Variants in DRD3 observed in about 807,000 individuals in gnomAD.
DRD3 encodes the protein D(3) dopamine receptor.
Under a neutral mutation model 36.3 loss-of-function variants are expected in DRD3, and 19 were observed. The observed-to-expected ratio is 0.52, with a 90% confidence interval of 0.36 to 0.77. The LOEUF (loss-of-function observed/expected upper bound fraction) is 0.77, where lower values mean the gene tolerates loss of function less well. Ranked by LOEUF, DRD3 falls within the 30% of genes least tolerant of loss-of-function variation. The pLI is 0.00. For missense variants in DRD3, 465 were observed against 505.3 expected (o/e 0.92, Z 0.77); for synonymous variants, 195 against 203.7 (o/e 0.96, Z 0.36).
chr3:114,189,465 T>G (rs2077992369), intron 1 of DRD3, among the ~76,000 whole-genome samples: 1 of 152,208 alleles, frequency 6.6e-6, no homozygotes, highest in Non-Finnish European at 1.5e-5. Context: ...ATAAATAAAT[T>G]CTATGATCAT....
intron 4 of DRD3, among the ~76,000 whole-genome samples, chr3:114,144,648 G>C (rs2077555093): frequency 6.6e-6 from 1 of 152,156 alleles, no homozygotes; most frequent in Non-Finnish European, 1.5e-5. Context: ...CAGATGTATA[G>C]TTACATTTTG....
chr3:114,172,210 T>C (rs1043282238), intron 1 of DRD3, among the ~76,000 whole-genome samples, 183 bp from the exon 2 acceptor site: 1 of 152,204 alleles, frequency 6.6e-6, no homozygotes, highest in Non-Finnish European at 1.5e-5. Context: ...TTCCTTCCCT[T>C]TGAAGCTCCC....
chr3:114,139,412 A>G (rs1038857612), intron 5 of DRD3, 88 bp downstream of exon 5: 1 of 1,320,712 alleles, frequency 7.6e-7, no homozygotes, highest in Admixed American at 2.3e-5. Flanking sequence ...CAATTTAGCT[A>G]AACGGCAAAA....
At chr3:114,146,725 AAG>A (rs2077573046) in intron 4 of DRD3, among the ~76,000 whole-genome samples, 1 of 150,516 alleles carries the variant, frequency 6.6e-6, no homozygotes, top group Non-Finnish European at 1.5e-5. Flanking sequence ...GAAAAAGAAA[AAG>A]AAAAAAAATT....
intron 1 of DRD3, among the ~76,000 whole-genome samples, chr3:114,176,808 G>A (rs1056212599): frequency 6.6e-6 from 1 of 152,064 alleles, no homozygotes; most frequent in Non-Finnish European, 1.5e-5. Flanking sequence ...GCTGTAATTC[G>A]GACTTGCTAT....
At chr3:114,150,105 G>C (rs957209338) in intron 3 of DRD3, among the ~76,000 whole-genome samples, 1 of 152,172 alleles carries the variant, frequency 6.6e-6, no homozygotes, top group Non-Finnish European at 1.5e-5. Flanking sequence ...TATAAACCAA[G>C]CTCAGCCTTC....
At chr3:114,155,206 C>T (rs1210833053) in intron 3 of DRD3, among the ~76,000 whole-genome samples, 1 of 152,124 alleles carries the variant, frequency 6.6e-6, no homozygotes, top group Admixed American at 6.5e-5. Context: ...AATGAATTGA[C>T]CAGCTATTTG....
At chr3:114,148,157 G>A (rs1229047650) in intron 3 of DRD3, among the ~76,000 whole-genome samples, 2 of 152,172 alleles carry the variant, frequency 1.3e-5, no homozygotes, top group Non-Finnish European at 2.9e-5. Context: ...CTGGATTGCT[G>A]GAGAGCTTCT....
At chr3:114,185,098 G>A (rs756745667) in intron 1 of DRD3, among the ~76,000 whole-genome samples, 1 of 152,166 alleles carries the variant, frequency 6.6e-6, no homozygotes, top group African/African-American at 2.4e-5. Flanking sequence ...GAGTCTTGGT[G>A]TGGGTTCATC....
At chr3:114,137,749 T>C (rs1194559042) in intron 5 of DRD3, among the ~76,000 whole-genome samples, 1 of 151,080 alleles carries the variant, frequency 6.6e-6, no homozygotes, top group Admixed American at 6.6e-5. Context: ...CCCAGCACTT[T>C]GGGAGGCCGA....
intron 6 of DRD3, among the ~76,000 whole-genome samples, chr3:114,129,963 C>T (rs1313626666): frequency 6.6e-6 from 1 of 152,078 alleles, no homozygotes; most frequent in Non-Finnish European, 1.5e-5. Context: ...GAGGCTGAGG[C>T]AGGAGAATCA....
upstream of DRD3, among the ~76,000 whole-genome samples, chr3:114,180,246 T>C (rs562690491): frequency 1.3e-5 from 2 of 152,294 alleles, no homozygotes; most frequent in African/African-American, 4.8e-5. Context: ...GAAATCATTC[T>C]GTAAATTATA....
At chr3:114,193,053 G>T (rs2078019125) in intron 1 of DRD3, among the ~76,000 whole-genome samples, 1 of 152,132 alleles carries the variant, frequency 6.6e-6, no homozygotes, top group South Asian at 2.1e-4. Flanking sequence ...GCCGAGGCGG[G>T]TAGATCACGA....
At position 114,128,336 on chromosome 3, in the gene DRD3, G is replaced by C. The variant is rs1320231578; in HGVS notation, c.*380C>G. On this transcript the variant is annotated 3_prime_UTR_variant, in exon 7 of 7. Transcript: ENST00000383673. ...GGAAGACAGACTGGCTGTTCTAGAA[G>C]GTGGTTTACTGGCTGATTTCAAGGA... 1.3e-5 allele frequency among the ~76,000 whole-genome samples: 2 copies of C among 152,192 alleles called. No homozygotes were observed. Among genetic ancestry groups the C allele is most frequent in the East Asian group, 3.8e-4 (2 of 5,204 alleles).
At chr3:114,189,045 A>C (rs77049026) in intron 1 of DRD3, among the ~76,000 whole-genome samples, 67 of 152,334 alleles carry the variant, frequency 4.4e-4, no homozygotes, top group African/African-American at 1.6e-3. Context: ...TTGTACGTAT[A>C]TTTTACATAG....
intron 4 of DRD3, among the ~76,000 whole-genome samples, chr3:114,145,525 A>T (rs1367290339): frequency 1.3e-5 from 2 of 152,248 alleles, no homozygotes; most frequent in Non-Finnish European, 2.9e-5. Flanking sequence ...GTTACCCTTT[A>T]CTGTGGCAGA....
intron 4 of DRD3, among the ~76,000 whole-genome samples, chr3:114,145,742 C>T (rs949503120): frequency 6.6e-6 from 1 of 152,094 alleles, no homozygotes; most frequent in South Asian, 2.1e-4. Context: ...TAAAGATATA[C>T]ATGGTTTTAT....
At chr3:114,147,584 G>A (rs1435142312) in intron 3 of DRD3, 27 bp from the exon 4 acceptor site, 2 of 1,595,354 alleles carry the variant, frequency 1.3e-6, no homozygotes, top group Admixed American at 3.4e-5. Flanking sequence ...AGAGGGGATA[G>A]GCATGGTGAG....
At chr3:114,142,014 C>T (rs901041393) in intron 4 of DRD3, among the ~76,000 whole-genome samples, 17 of 136,958 alleles carry the variant, frequency 1.2e-4, no homozygotes, top group African/African-American at 4.5e-4. Context: ...CGCCATTGCA[C>T]TCCAGCCTGG....
Sources: allele counts gnomAD v4.1 joint callset (sites outside exome capture counted in the v4.1 genomes callset), GRCh38; gene constraint gnomAD v4.1.1; transcripts MANE v1.5; gene names NCBI Gene and HGNC (gene_info 2026-07-23, HGNC 2026-07-21).